The following GNA14 variants were observed in gnomAD, a reference collection of about 807,000 sequenced individuals.
The protein encoded by GNA14 is guanine nucleotide-binding protein subunit alpha-14.
GNA14 carries 50 observed loss-of-function variants against 42.0 expected under a neutral mutation model. That is an observed-to-expected ratio of 1.19 (90% confidence interval 0.95 to 1.51). The LOEUF (loss-of-function observed/expected upper bound fraction) is 1.51, where lower values mean the gene tolerates loss of function less well. Ranked by LOEUF, GNA14 falls within the 40% of genes most tolerant of loss-of-function variation. The pLI is 0.00. For synonymous variants in GNA14, 173 were observed against 163.1 expected, an observed-to-expected ratio of 1.06 and a Z score of -0.46; for missense variants, 473 against 446.2, an observed-to-expected ratio of 1.06 and a Z score of -0.54.
At chr9:77,562,040 T>A (rs979466501) in intron 1 of GNA14, among the ~76,000 whole-genome samples, 1 of 152,150 alleles carries the variant, frequency 6.6e-6, no homozygotes, top group Non-Finnish European at 1.5e-5. Flanking sequence ...AGGAATATGA[T>A]AGGTTCACAA....
At chr9:77,442,962 A>G (rs548515709) in intron 2 of GNA14, among the ~76,000 whole-genome samples, 3 of 152,228 alleles carry the variant, frequency 2.0e-5, no homozygotes, top group Non-Finnish European at 4.4e-5. Flanking sequence ...TAGAGCTAGA[A>G]GAGAGGGATA....
At chr9:77,542,360 C>A (rs770610335) in intron 1 of GNA14, among the ~76,000 whole-genome samples, 1 of 152,150 alleles carries the variant, frequency 6.6e-6, no homozygotes, top group Non-Finnish European at 1.5e-5. Context: ...ATTAGTAAGT[C>A]TGTGGTGAAG....
At chr9:77,629,688 A>G (rs1291031340) in intron 1 of GNA14, among the ~76,000 whole-genome samples, 1 of 152,184 alleles carries the variant, frequency 6.6e-6, no homozygotes. Flanking sequence ...ATGATAACAC[A>G]TGGACACAGT....
intron 2 of GNA14, among the ~76,000 whole-genome samples, chr9:77,521,549 A>G (rs1837354786): frequency 6.6e-6 from 1 of 152,198 alleles, no homozygotes; most frequent in Admixed American, 6.5e-5. Flanking sequence ...TCTCCTGGAA[A>G]TTCAGCCTTC....
At chr9:77,512,505 A>G (rs1346112753) in intron 2 of GNA14, among the ~76,000 whole-genome samples, 1 of 152,226 alleles carries the variant, frequency 6.6e-6, no homozygotes, top group African/African-American at 2.4e-5. Context: ...AATTGAACAG[A>G]AAAATTAACA....
chr9:77,479,684 A>G (rs1024941378), intron 2 of GNA14, among the ~76,000 whole-genome samples: 5 of 152,192 alleles, frequency 3.3e-5, no homozygotes, highest in African/African-American at 1.2e-4. Flanking sequence ...ACTCATGAAC[A>G]TGGAATGTTC....
chr9:77,479,356 G>C (rs949809595), intron 2 of GNA14, among the ~76,000 whole-genome samples: 43 of 152,082 alleles, frequency 2.8e-4, no homozygotes, highest in African/African-American at 9.9e-4. Flanking sequence ...TATTTCTGAG[G>C]GCTCTGTTCT....
At chr9:77,641,573 T>C (rs893161997) in intron 1 of GNA14, among the ~76,000 whole-genome samples, 1 of 149,584 alleles carries the variant, frequency 6.7e-6, no homozygotes, top group Non-Finnish European at 1.5e-5. Context: ...AAACCGTCTG[T>C]TAAAAAAAAA....
Position 77,484,976 on chromosome 9 carries a change from T to C in GNA14, c.309+44093A>G, listed in dbSNP as rs191110174. ...ATAATCTTTTTGCTCACAGAGGATC[T>C]TTCCTTATGTTGATGGCTGCTCAGG... On this transcript the variant is annotated intron_variant, in intron 2 of 6. Coordinates refer to ENST00000341700, the MANE Select transcript of GNA14 (RefSeq NM_004297.4). Among the ~76,000 whole-genome samples the C allele has an allele frequency of 2.6e-3, 395 of 152,188 alleles. 3 individuals carry two copies. The highest frequency in any genetic ancestry group is 2.4e-3 in the Non-Finnish European group (165 of 68,012).
chr9:77,428,040 T>TTA (rs1835478984), intron 5 of GNA14, among the ~76,000 whole-genome samples: 1 of 152,102 alleles, frequency 6.6e-6, no homozygotes, highest in East Asian at 1.9e-4. Context: ...ATATGAATTT[T>TTA]TAGTGTTCAG....
At chr9:77,646,672 GA>G (rs1824357200) in intron 1 of GNA14, among the ~76,000 whole-genome samples, 1 of 152,080 alleles carries the variant, frequency 6.6e-6, no homozygotes, top group African/African-American at 2.4e-5. Context: ...AGGGGTGAAA[GA>G]AAAAAAGTTG....
intron 2 of GNA14, among the ~76,000 whole-genome samples, chr9:77,498,373 C>CAAAAAAAAAAAAAAAA (rs766816001): frequency 1.5e-4 from 8 of 54,106 alleles, no homozygotes; most frequent in African/African-American, 4.2e-4. Flanking sequence ...AAGTCTGTCT[C>CAAAAAAAAAAAAAAAA]AAAAAAAAAA....
chr9:77,432,357 A>G (rs1157083835), intron 3 of GNA14, among the ~76,000 whole-genome samples: 1 of 152,082 alleles, frequency 6.6e-6, no homozygotes, highest in Non-Finnish European at 1.5e-5. Context: ...AGCCTTCCAC[A>G]ACCCACCTCT....
intron 1 of GNA14, among the ~76,000 whole-genome samples, chr9:77,617,793 C>A (rs1274904138): frequency 2.0e-5 from 3 of 152,040 alleles, no homozygotes; most frequent in Non-Finnish European, 4.4e-5. Flanking sequence ...AGGCTGTCTC[C>A]CCAGCCTAGA....
At chr9:77,620,237 C>A (rs972033183) in intron 1 of GNA14, among the ~76,000 whole-genome samples, 4 of 152,160 alleles carry the variant, frequency 2.6e-5, no homozygotes, top group Admixed American at 2.6e-4. Context: ...TTTCATTTTA[C>A]TGATGAGGAG....
chr9:77,624,342 G>C (rs1174836685), intron 1 of GNA14, among the ~76,000 whole-genome samples: 1 of 152,208 alleles, frequency 6.6e-6, no homozygotes, highest in African/African-American at 2.4e-5. Flanking sequence ...TGTGGGTGCA[G>C]CTTCAGCAAA....
At chr9:77,570,471 A>G (rs984064025) in intron 1 of GNA14, among the ~76,000 whole-genome samples, 2 of 152,178 alleles carry the variant, frequency 1.3e-5, no homozygotes, top group Non-Finnish European at 2.9e-5. Flanking sequence ...GGCATTTCAT[A>G]TGTGGAATCA....
intron 1 of GNA14, among the ~76,000 whole-genome samples, chr9:77,579,671 T>C (rs1305482657): frequency 6.6e-6 from 1 of 152,182 alleles, no homozygotes; most frequent in African/African-American, 2.4e-5. Flanking sequence ...CATATAGACA[T>C]TTCAACGACA....
intron 1 of GNA14, among the ~76,000 whole-genome samples, chr9:77,606,252 T>C (rs1197034451): frequency 6.6e-6 from 1 of 152,162 alleles, no homozygotes; most frequent in Non-Finnish European, 1.5e-5. Context: ...AAAAATAAAT[T>C]CTAAGAAGGT....
Sources: gnomAD v4.1 joint callset for allele counts (sites outside exome capture counted in the v4.1 genomes callset) on GRCh38, gnomAD v4.1.1 for gene constraint, MANE v1.5 for transcripts, NCBI Gene and HGNC (gene_info 2026-07-23, HGNC 2026-07-21) for gene names.